TNPO3: variants seen among roughly 807,000 people sequenced by gnomAD.
TNPO3 encodes transportin 3.
Under a neutral mutation model 122.8 loss-of-function variants are expected in TNPO3, and 65 were observed. That is an observed-to-expected ratio of 0.53 (90% CI 0.43 to 0.65). The LOEUF (loss-of-function observed/expected upper bound fraction) is 0.65, where lower values mean the gene tolerates loss of function less well. Ranked by LOEUF, TNPO3 falls within the 30% of genes least tolerant of loss-of-function variation. The probability of loss-of-function intolerance (pLI) is 0.00; values close to 1 mark genes in which losing one functional copy is unlikely to be tolerated. For missense variants in TNPO3, 850 were observed against 1,136.7 expected (o/e 0.75, Z 3.63); for synonymous variants, 372 against 411.2 (o/e 0.90, Z 1.15).
intron 14 of TNPO3, among the ~76,000 whole-genome samples, chr7:128,980,425 T>C (rs1799506735): frequency 6.6e-6 from 1 of 152,076 alleles, no homozygotes; most frequent in African/African-American, 2.4e-5. Flanking sequence ...CTGACCAATA[T>C]GGTGAAAACC....
intron 4 of TNPO3, among the ~76,000 whole-genome samples, chr7:129,007,433 T>G (rs571848264): frequency 6.6e-6 from 1 of 152,318 alleles, no homozygotes; most frequent in African/African-American, 2.4e-5. Context: ...TTACTAATAT[T>G]ATACATTATT....
chr7:128,998,962 T>C (rs1489336650), intron 7 of TNPO3, among the ~76,000 whole-genome samples: 1 of 152,008 alleles, frequency 6.6e-6, no homozygotes, highest in Non-Finnish European at 1.5e-5. Context: ...CAAGTGATTC[T>C]CCTGCCTCAG....
chr7:129,004,966 TAC>T, intron 5 of TNPO3, 48 bp downstream of exon 5: 1 of 1,575,692 alleles, frequency 6.3e-7, no homozygotes, highest in Non-Finnish European at 8.6e-7. Flanking sequence ...GCAGGTTAGT[TAC>T]GAAAAGTGAT....
chr7:128,989,331 C>G (rs1563095008), intron 11 of TNPO3, among the ~76,000 whole-genome samples: 1 of 152,142 alleles, frequency 6.6e-6, no homozygotes, highest in Non-Finnish European at 1.5e-5. Flanking sequence ...ATGTATCCCT[C>G]TTAAATGTCA....
At chr7:129,022,124 C>T (rs1434198705) in intron 1 of TNPO3, among the ~76,000 whole-genome samples, 1 of 152,242 alleles carries the variant, frequency 6.6e-6, no homozygotes, top group Non-Finnish European at 1.5e-5. Context: ...GCAGTTTACG[C>T]CTGTAATCCC....
At chr7:129,007,808 T>C (rs751832230) in intron 4 of TNPO3, among the ~76,000 whole-genome samples, 5 of 152,196 alleles carry the variant, frequency 3.3e-5, no homozygotes, top group Non-Finnish European at 5.9e-5. Context: ...TCTGTCACTA[T>C]CTAAAGCCAC....
In TNPO3 at chr7:129,054,859, G is replaced by T; in HGVS notation, c.-89C>A. Reference sequence around the variant, plus strand: ...CCGCCTTCGCGCTTCCTCACTGTCTGGGCCACGGCCGCTCCCTGACTGGCG... The same window carrying T: ...CCGCCTTCGCGCTTCCTCACTGTCTTGGCCACGGCCGCTCCCTGACTGGCG... On this transcript the variant is annotated 5_prime_UTR_variant, in exon 1 of 23. Coordinates refer to ENST00000265388, the MANE Select transcript of TNPO3 (RefSeq NM_012470.4). 6.4e-7 allele frequency: 1 copy of T among 1,573,204 alleles called. No homozygotes were observed. Among genetic ancestry groups the T allele is most frequent in the Non-Finnish European group, 8.7e-7 (1 of 1,153,364 alleles).
intron 4 of TNPO3, among the ~76,000 whole-genome samples, chr7:129,005,567 G>C (rs560271495): frequency 1.3e-5 from 2 of 152,020 alleles, no homozygotes; most frequent in Non-Finnish European, 2.9e-5. Flanking sequence ...GTTCTCACGA[G>C]ATCTGGTTGT....
intron 4 of TNPO3, 47 bp from the exon 5 acceptor site, chr7:129,005,206 T>G: frequency 6.6e-7 from 1 of 1,518,170 alleles, no homozygotes; most frequent in Non-Finnish European, 9.0e-7. Context: ...ATCTATATAT[T>G]TAAACCATTA....
At chr7:129,029,610 A>T (rs1013658883) in intron 1 of TNPO3, 1 of 152,242 alleles carries the variant, frequency 6.6e-6, no homozygotes, top group Non-Finnish European at 1.5e-5. Context: ...AAGTATTACC[A>T]GTGTAATCAA....
In TNPO3 at chr7:128,967,137, C is replaced by T. The variant is rs1798000184; in HGVS notation, c.2711+143G>A. 9 of 608,786 alleles carry T rather than the reference C, an allele frequency of 1.5e-5. 2 individuals are homozygous for T. The South Asian group carries it at 1.8e-4, about 12-fold the overall frequency. The allele number at this position is 608,786 out of a possible 1,614,324, so 37.7% of individuals were successfully genotyped here. On this transcript the variant is annotated intron_variant, in intron 21 of 22. Coordinates refer to ENST00000265388, the MANE Select transcript of TNPO3 (RefSeq NM_012470.4). ...ATACACAGCATGGTGAATGTTTTCC[C>T]ACCAGATTGGCTTCCAATGCCAATT...
intron 1 of TNPO3, among the ~76,000 whole-genome samples, chr7:129,044,294 C>T (rs1209994876): frequency 1.3e-5 from 2 of 152,028 alleles, no homozygotes; most frequent in Non-Finnish European, 2.9e-5. Flanking sequence ...TGTCTAGTTC[C>T]AAATATATTC....
In TNPO3 at chr7:129,051,055, A is replaced by G. The variant is rs1383639235; in HGVS notation, c.120+3596T>C. 2.0e-5 allele frequency among the ~76,000 whole-genome samples: 3 copies of G among 152,158 alleles called. No homozygotes were observed. The East Asian group carries it at 5.8e-4, about 29-fold the overall frequency. On this transcript the variant is annotated intron_variant, in intron 1 of 22. Transcript: ENST00000265388. The stretch of plus-strand genomic sequence containing the variant: ...GATACATATTTCCTTTAGCCAAAAA[A>G]GAAAACAAATCACCAGTCTGAACAA...
At chr7:128,956,607 G>GCT (rs1796923211) in intron 22 of TNPO3, among the ~76,000 whole-genome samples, 1 of 152,200 alleles carries the variant, frequency 6.6e-6, no homozygotes, top group Non-Finnish European at 1.5e-5. Context: ...GATTAGGAAT[G>GCT]CTCAACTGGT....
chr7:128,978,058 G>A (rs1799253797), intron 16 of TNPO3, among the ~76,000 whole-genome samples: 1 of 152,164 alleles, frequency 6.6e-6, no homozygotes, highest in Non-Finnish European at 1.5e-5. Flanking sequence ...ATTTCAGAAA[G>A]CACCTCAGAG....
chr7:128,955,643 T>TC (rs976394850), intron 22 of TNPO3, among the ~76,000 whole-genome samples: 1 of 152,154 alleles, frequency 6.6e-6, no homozygotes, highest in African/African-American at 2.4e-5. Context: ...GGATGATGTG[T>TC]CAGGAGGGCA....
In TNPO3 at chr7:129,055,013, C is replaced by T; in HGVS notation, c.-243G>A. The stretch of plus-strand genomic sequence containing the variant: ...CGGTTTTTCCACTTGATTCTAGACT[C>T]TTGAGTCCACAGATTCTGGCGCTCC... On this transcript the variant is annotated 5_prime_UTR_variant, in exon 1 of 23. Transcript: ENST00000265388. The T allele has an allele frequency of 2.0e-6, 1 of 492,082 alleles. No homozygotes were observed. The highest frequency in any genetic ancestry group is 3.7e-6 in the Non-Finnish European group (1 of 271,220). The allele number at this position is 492,082 out of a possible 1,614,324, so 30.5% of individuals were successfully genotyped here.
intron 14 of TNPO3, among the ~76,000 whole-genome samples, chr7:128,981,854 A>C (rs1270511264): frequency 6.6e-6 from 1 of 151,244 alleles, no homozygotes; most frequent in Non-Finnish European, 1.5e-5. Context: ...TCAGCCTCCC[A>C]AATAGCTGGG....
intron 1 of TNPO3, among the ~76,000 whole-genome samples, chr7:129,053,511 A>C (rs1809063365): frequency 1.3e-5 from 2 of 151,896 alleles, no homozygotes; most frequent in Middle Eastern, 3.4e-3. Context: ...AAAAAAAAAA[A>C]AAAGGCAAAG....
Sources: allele counts gnomAD v4.1 joint callset (sites outside exome capture counted in the v4.1 genomes callset), GRCh38; gene constraint gnomAD v4.1.1; transcripts MANE v1.5; gene names NCBI Gene and HGNC (gene_info 2026-07-23, HGNC 2026-07-21).